The following CHD9 variants were observed in gnomAD, a reference collection of about 807,000 sequenced individuals.
CHD9 encodes ATP-dependent chromatin remodeler CHD9.
Under a neutral mutation model 316.1 loss-of-function variants are expected in CHD9, and 77 were observed. That is an observed-to-expected ratio of 0.24 (90% CI 0.20 to 0.29). The LOEUF (loss-of-function observed/expected upper bound fraction) is 0.29, where lower values mean the gene tolerates loss of function less well. Ranked by LOEUF, CHD9 falls within the 10% of genes least tolerant of loss-of-function variation. The pLI, the probability that CHD9 is intolerant of heterozygous loss-of-function variation, is 1.00. For synonymous variants in CHD9, 1,129 were observed against 1,158.3 expected (o/e 0.97, Z 0.51); for missense variants, 2,763 against 3,438.1 (o/e 0.80, Z 4.91).
intron 37 of CHD9, among the ~76,000 whole-genome samples, chr16:53,318,716 A>G (rs542709634): frequency 8.5e-5 from 13 of 152,296 alleles, no homozygotes; most frequent in African/African-American, 3.1e-4. Context: ...TGCTACTGGT[A>G]TCTAGTGGGT....
At chr16:53,089,155 G>T (rs1409807804) in intron 1 of CHD9, among the ~76,000 whole-genome samples, 2 of 150,960 alleles carry the variant, frequency 1.3e-5, no homozygotes, top group Admixed American at 1.3e-4. Context: ...CCATGGTGGC[G>T]TGCACCTGTA....
At chr16:53,295,096 C>T (rs767276874) in intron 29 of CHD9, among the ~76,000 whole-genome samples, 1 of 152,112 alleles carries the variant, frequency 6.6e-6, no homozygotes, top group Non-Finnish European at 1.5e-5. Context: ...GCCCATCCCT[C>T]AGAGCTCAGC....
At chr16:53,292,519 T>C (rs976000037) in intron 28 of CHD9, among the ~76,000 whole-genome samples, 2 of 152,200 alleles carry the variant, frequency 1.3e-5, no homozygotes, top group Non-Finnish European at 2.9e-5. Context: ...CTCTCATGGA[T>C]TCAGTTTGGC....
At position 53,227,260 on chromosome 16, in the gene CHD9, A is replaced by G. The variant is rs141258719; in HGVS notation, c.2044-136A>G. On this transcript the variant is annotated intron_variant, in intron 5 of 38. Coordinates refer to ENST00000447540, the MANE Select transcript of CHD9 (RefSeq NM_001308319.2). ...ATATTTTTTTCATTTTTGTATTTCT[A>G]ACACGTAACATAGTGTCTAGCATAT... 2,699 of 579,786 alleles carry G rather than the reference A, an allele frequency of 4.7e-3. 7 individuals are homozygous for G. The highest frequency in any genetic ancestry group is 6.6e-3 in the Non-Finnish European group (2,180 of 329,554). 35.9% of individuals were successfully genotyped at this position (579,786 alleles called of 1,614,324 possible).
intron 1 of CHD9, among the ~76,000 whole-genome samples, chr16:53,068,372 G>A (rs73594428): frequency 1.2e-3 from 186 of 152,202 alleles, no homozygotes; most frequent in African/African-American, 4.4e-3. Context: ...TTCCTGCACC[G>A]AGTTGCATTC....
intron 12 of CHD9, among the ~76,000 whole-genome samples, chr16:53,239,399 A>G (rs1055089512): frequency 3.3e-5 from 5 of 152,152 alleles, no homozygotes; most frequent in Admixed American, 1.3e-4. Context: ...AGTCTGGGCA[A>G]CATAGCAAGA....
rs1398293615 is a variant in CHD9 at position 53,326,441 on chromosome 16, G to A, written c.*1546G>A. 1 of 152,388 alleles carries A rather than the reference G, an allele frequency of 6.6e-6. No individual in the cohort carries two copies. Among genetic ancestry groups the A allele is most frequent in the East Asian group, 1.9e-4 (1 of 5,196 alleles). The allele number at this position is 152,388 out of a possible 1,614,324, so 9.4% of individuals were successfully genotyped here. On this transcript the variant is annotated 3_prime_UTR_variant, in exon 39 of 39. Coordinates refer to ENST00000447540, the MANE Select transcript of CHD9 (RefSeq NM_001308319.2). ...TTGCTTTGTCATGAGTTAGTCAATT[G>A]TATCAGGTTTTCCAAGACCTTTACC...
At chr16:53,223,854 G>A (rs1054079517) in intron 4 of CHD9, among the ~76,000 whole-genome samples, 1 of 151,754 alleles carries the variant, frequency 6.6e-6, no homozygotes, top group South Asian at 2.1e-4. Context: ...AATAAATGAT[G>A]GAAAGATCCA....
chr16:53,276,699 T>C (rs1597779203), intron 24 of CHD9, among the ~76,000 whole-genome samples: 2 of 152,122 alleles, frequency 1.3e-5, no homozygotes, highest in East Asian at 1.9e-4. Context: ...GGATCTTTTT[T>C]TCTCTCTCTC....
chr16:53,066,522 TGA>T (rs1318959535), intron 1 of CHD9, among the ~76,000 whole-genome samples: 2 of 152,184 alleles, frequency 1.3e-5, no homozygotes, highest in African/African-American at 4.8e-5. Context: ...CACCTGGAGC[TGA>T]GAGAGACCTT....
At chr16:53,280,404 T>TCTAA (rs1389576455) in intron 24 of CHD9, among the ~76,000 whole-genome samples, 1 of 152,132 alleles carries the variant, frequency 6.6e-6, no homozygotes, top group Non-Finnish European at 1.5e-5. Flanking sequence ...AGACTATTAT[T>TCTAA]CTAAGTGAAG....
chr16:53,121,636 AT>A (rs2038742431), intron 1 of CHD9: 1 of 323,872 alleles, frequency 3.1e-6, no homozygotes, highest in African/African-American at 2.2e-5. Flanking sequence ...GGATGTTGTT[AT>A]TACCAGCTGC....
At chr16:53,186,668 C>T (rs1597346707) in intron 2 of CHD9, among the ~76,000 whole-genome samples, 1 of 152,112 alleles carries the variant, frequency 6.6e-6, no homozygotes, top group African/African-American at 2.4e-5. Flanking sequence ...TTCCCGTAAT[C>T]CTTATGTATT....
chr16:53,202,122 A>G (rs1425131254), intron 2 of CHD9, among the ~76,000 whole-genome samples: 1 of 152,018 alleles, frequency 6.6e-6, no homozygotes, highest in Non-Finnish European at 1.5e-5. Context: ...TTGGCCTCCC[A>G]AAGTTCTGGG....
At chr16:53,189,697 TC>T (rs1173586973) in intron 2 of CHD9, among the ~76,000 whole-genome samples, 1 of 152,144 alleles carries the variant, frequency 6.6e-6, no homozygotes, top group African/African-American at 2.4e-5. Flanking sequence ...TAATGGGTCA[TC>T]CTGGATAATT....
chr16:53,065,638 T>TAAAAAAAAAAA (rs68025976), intron 1 of CHD9, among the ~76,000 whole-genome samples: 2 of 103,394 alleles, frequency 1.9e-5, no homozygotes, highest in Non-Finnish European at 3.6e-5. Flanking sequence ...TGTCTTAAAT[T>TAAAAAAAAAAA]AAAAAAAAAA....
At chr16:53,170,322 A>C (rs573442375) in intron 2 of CHD9, among the ~76,000 whole-genome samples, 1 of 152,338 alleles carries the variant, frequency 6.6e-6, no homozygotes, top group South Asian at 2.1e-4. Context: ...AATGTGTTAT[A>C]AAAATTAATG....
intron 2 of CHD9, among the ~76,000 whole-genome samples, chr16:53,177,997 A>G (rs530875537): frequency 6.6e-6 from 1 of 152,320 alleles, no homozygotes; most frequent in South Asian, 2.1e-4. Flanking sequence ...TGGCCTAAGC[A>G]TGCACATACT....
intron 2 of CHD9, among the ~76,000 whole-genome samples, chr16:53,195,288 G>T (rs114417721): frequency 6.6e-6 from 1 of 152,110 alleles, no homozygotes; most frequent in East Asian, 1.9e-4. Context: ...GGTTAGTTTT[G>T]CATGTTATTG....
Sources: allele counts gnomAD v4.1 joint callset (sites outside exome capture counted in the v4.1 genomes callset), GRCh38; gene constraint gnomAD v4.1.1; transcripts MANE v1.5; gene names NCBI Gene and HGNC (gene_info 2026-07-23, HGNC 2026-07-21).